CELF2: variants seen among roughly 807,000 people sequenced by gnomAD.
The protein encoded by CELF2 is CUG triplet repeat RNA-binding protein 2.
In CELF2, 8 loss-of-function variants were observed where a neutral mutation model predicts 62.6. The observed-to-expected ratio is 0.13, with a 90% CI of 0.07 to 0.23. CELF2 has a LOEUF of 0.23. Among genes scored for constraint, CELF2 ranks in the 10% least tolerant of loss-of-function variants. The pLI, the probability that CELF2 is intolerant of heterozygous loss-of-function variation, is 1.00. For synonymous variants in CELF2, 258 were observed against 250.0 expected, an observed-to-expected ratio of 1.03 and a Z score of -0.30; for missense variants, 333 against 671.0, an observed-to-expected ratio of 0.50 and a Z score of 5.56.
At chr10:10,680,691 T>C in the CELF2 span, among the ~76,000 whole-genome samples, 7 of 152,216 alleles carry the variant, frequency 4.6e-5, no homozygotes, top group African/African-American at 1.7e-4. Flanking sequence ...ATTGTTAGCA[T>C]AGCCTATCTG....
At chr10:10,715,957 C>T in the CELF2 span, among the ~76,000 whole-genome samples, 2 of 152,142 alleles carry the variant, frequency 1.3e-5, no homozygotes, top group African/African-American at 4.8e-5. Flanking sequence ...TTTGACATCA[C>T]CTGAGTTGAT....
At chr10:10,609,059 T>A in the CELF2 span, among the ~76,000 whole-genome samples, 8 of 152,310 alleles carry the variant, frequency 5.3e-5, no homozygotes, top group African/African-American at 1.9e-4. Flanking sequence ...GAACCATTGC[T>A]CTTTCCTGCC....
chr10:11,285,760 T>G lies in CELF2; in HGVS notation c.842-2658T>G, dbSNP rs2091009448. Among the ~76,000 whole-genome samples, 1 of 152,178 alleles carries G rather than the reference T, an allele frequency of 6.6e-6. No homozygotes were observed. On this transcript the variant is annotated intron_variant, in intron 8 of 12. Coordinates refer to ENST00000633077, the MANE Select transcript of CELF2 (RefSeq NM_001326342.2). This position sits in a 1 kb window ranked among gnomAD's most constrained non-coding sequence, Gnocchi z 4.3. ...CTCTTCAGAGCAATTTATGTAAATG[T>G]CAAACTTGTCTGTTACCCTGTTTGT...
Position 10,938,536 on chromosome 10 carries a change from G to A in CELF2, c.89+18537G>A, listed in dbSNP as rs1397775643. The stretch of plus-strand genomic sequence containing the variant: ...ATTGCAAACATGTCAGGCAACTCAA[G>A]TTTAGAAGATTCTCAACTTGAATTA... On this transcript the variant is annotated intron_variant, in intron 2 of 13. Transcript: ENST00000636488. The surrounding 1 kb of genome is among the most constrained non-coding windows in gnomAD (Gnocchi z 4.2). Among the ~76,000 whole-genome samples, 1 of 152,218 alleles carries A rather than the reference G, an allele frequency of 6.6e-6. No homozygotes were observed. The highest frequency in any genetic ancestry group is 1.5e-5 in the Non-Finnish European group (1 of 68,038).
chr10:11,028,301 AT>A (rs2059558989), intron 1 of CELF2, among the ~76,000 whole-genome samples: 1 of 151,894 alleles, frequency 6.6e-6, no homozygotes, highest in African/African-American at 2.4e-5. Context: ...CCAGATTTTG[AT>A]TTTCTTATGG....
intron 2 of CELF2, chr10:10,920,084 C>A (rs2064745171): frequency 9.9e-7 from 1 of 1,005,788 alleles, no homozygotes. Flanking sequence ...TGTAAGAGGT[C>A]TTCTCATTTT....
chr10:10,474,091 A>C, the CELF2 span, among the ~76,000 whole-genome samples: 1 of 152,072 alleles, frequency 6.6e-6, no homozygotes, highest in Non-Finnish European at 1.5e-5. Context: ...ATGTGAGGAA[A>C]GAAGTCCTTG....
In CELF2 at chr10:11,334,871, A is replaced by AACTT. The variant is rs1308311438; in HGVS notation, c.*5820_*5823dup. 3 of 152,232 alleles carry AACTT rather than the reference A, an allele frequency of 2.0e-5. No individual in the cohort carries two copies. The highest frequency in any genetic ancestry group is 7.2e-5 in the African/African-American group (3 of 41,456). 9.4% of individuals were successfully genotyped at this position (152,232 alleles called of 1,614,324 possible). On this transcript the variant is annotated 3_prime_UTR_variant, in exon 13 of 13. Coordinates refer to ENST00000633077, the MANE Select transcript of CELF2 (RefSeq NM_001326342.2). ...TCAACTTAGCCAGTGAAAAGGGTTA[A>AACTT]ACTTAAGTCTATTATTTGTTGCCCT...
rs574848167 is a variant in CELF2 at position 11,104,549 on chromosome 10, G to C, written c.75-60937G>C. 3.9e-5 allele frequency among the ~76,000 whole-genome samples: 6 copies of C among 152,294 alleles called. No individual in the cohort carries two copies. The East Asian group carries it at 1.2e-3, about 29-fold the overall frequency. ...AATACAAAAATTAGCCAGGTGTGTG[G>C]TGTGTGCCTATAGACCCAGCTACCA... On this transcript the variant is annotated intron_variant, in intron 1 of 12. Transcript: ENST00000633077.
At chr10:10,560,461 G>A in the CELF2 span, among the ~76,000 whole-genome samples, 8 of 152,264 alleles carry the variant, frequency 5.3e-5, no homozygotes, top group East Asian at 1.5e-3. Context: ...TACCTGGCAG[G>A]ATGAGGGGTA....
At chr10:10,733,613 G>GA in the CELF2 span, among the ~76,000 whole-genome samples, 1 of 51,714 alleles carries the variant, frequency 1.9e-5, no homozygotes, top group South Asian at 1.9e-3. Flanking sequence ...AGCATGGCTT[G>GA]GGGGGGCCTC....
the CELF2 span, among the ~76,000 whole-genome samples, chr10:10,742,007 A>G: frequency 9.8e-5 from 15 of 152,344 alleles, no homozygotes; most frequent in Middle Eastern, 3.4e-3. Context: ...TTATAACAGT[A>G]TGAACCCATG....
At chr10:10,694,082 T>C in the CELF2 span, among the ~76,000 whole-genome samples, 97 of 150,154 alleles carry the variant, frequency 6.5e-4, 2 homozygotes, top group East Asian at 0.017. Flanking sequence ...CTTGCTTTTC[T>C]AGTTCTTTTA....
At chr10:11,175,118 C>T (rs1012408782) in intron 2 of CELF2, among the ~76,000 whole-genome samples, 1 of 151,898 alleles carries the variant, frequency 6.6e-6, no homozygotes, top group Non-Finnish European at 1.5e-5. Flanking sequence ...CCAAGTGTTA[C>T]GGAACAGGTA....
At chr10:10,907,381 A>G (rs534764090) in intron 1 of CELF2, among the ~76,000 whole-genome samples, 13 of 152,350 alleles carry the variant, frequency 8.5e-5, no homozygotes, top group African/African-American at 3.1e-4. Context: ...AGGATGTATA[A>G]TTATATTCTT....
intron 2 of CELF2, among the ~76,000 whole-genome samples, chr10:11,204,356 A>G (rs889381116): frequency 5.9e-5 from 9 of 152,212 alleles, no homozygotes; most frequent in African/African-American, 1.2e-4. Flanking sequence ...TTCACAGGAA[A>G]TGGGTTGAGA....
the CELF2 span, among the ~76,000 whole-genome samples, chr10:10,533,397 A>C: frequency 6.6e-6 from 1 of 152,232 alleles, no homozygotes; most frequent in African/African-American, 2.4e-5. Flanking sequence ...ACAAACTTTT[A>C]ATGATCATTA....
At chr10:11,179,138 T>G (rs1187249436) in intron 2 of CELF2, among the ~76,000 whole-genome samples, 2 of 152,236 alleles carry the variant, frequency 1.3e-5, no homozygotes, top group Non-Finnish European at 2.9e-5. Flanking sequence ...ATGCTTTCGC[T>G]TCTTTTACCT....
chr10:10,568,026 T>A, the CELF2 span, among the ~76,000 whole-genome samples: 1 of 152,006 alleles, frequency 6.6e-6, no homozygotes, highest in Non-Finnish European at 1.5e-5. Context: ...GTAGAGGGTA[T>A]ACACAGAAGA....
Sources: gnomAD v4.1 joint callset for allele counts (sites outside exome capture counted in the v4.1 genomes callset) on GRCh38, gnomAD v4.1.1 for gene constraint, Gnocchi (gnomAD v3.1) non-coding constraint, MANE v1.5 for transcripts, NCBI Gene and HGNC (gene_info 2026-07-23, HGNC 2026-07-21) for gene names.